Variants in NR3C2 observed in about 807,000 individuals in gnomAD.
The protein encoded by NR3C2 is mineralocorticoid receptor.
In NR3C2, 15 loss-of-function variants were observed where a neutral mutation model predicts 86.4. The ratio of observed to expected loss-of-function variants is 0.17; its 90% CI spans 0.12 to 0.27. The LOEUF (loss-of-function observed/expected upper bound fraction) is 0.27, where lower values mean the gene tolerates loss of function less well. Ranked by LOEUF, NR3C2 falls within the 10% of genes least tolerant of loss-of-function variation. The pLI is 1.00. For missense variants in NR3C2, 960 were observed against 1,195.6 expected (o/e 0.80, Z 2.91); for synonymous variants, 458 against 450.5 (o/e 1.02, Z -0.21).
At chr4:148,215,780 G>GT (rs35315376) in intron 3 of NR3C2, among the ~76,000 whole-genome samples, 52,562 of 134,340 alleles carry the variant, frequency 0.39, 10,634 homozygotes, top group South Asian at 0.43. Flanking sequence ...TTGAGGCATA[G>GT]TTTTTTTTTT....
At chr4:148,140,390 C>T (rs1733551600) in intron 6 of NR3C2, among the ~76,000 whole-genome samples, 2 of 152,046 alleles carry the variant, frequency 1.3e-5, no homozygotes, top group Admixed American at 1.3e-4. Context: ...AAGAAATTAG[C>T]CAGTTTGGTG....
chr4:148,364,479 T>C (rs1746009005), intron 2 of NR3C2, among the ~76,000 whole-genome samples: 1 of 152,212 alleles, frequency 6.6e-6, no homozygotes, highest in Non-Finnish European at 1.5e-5. Context: ...AGAAGTTCCC[T>C]ATAAAGAGTA....
intron 2 of NR3C2, among the ~76,000 whole-genome samples, chr4:148,382,553 G>C (rs1296024120): frequency 6.6e-6 from 1 of 152,026 alleles, no homozygotes; most frequent in African/African-American, 2.4e-5. Context: ...TAACTCAGTG[G>C]GAGTTATGAA....
intron 2 of NR3C2, among the ~76,000 whole-genome samples, chr4:148,295,629 C>T (rs1216116210): frequency 2.6e-5 from 4 of 151,034 alleles, no homozygotes; most frequent in Non-Finnish European, 5.9e-5. Flanking sequence ...TCTGTGCTTC[C>T]AAGATACCTG....
Position 148,214,663 on chromosome 4 carries a change from G to A in NR3C2, c.1898-19801C>T, listed in dbSNP as rs559767547. Among the ~76,000 whole-genome samples the A allele has an allele frequency of 2.6e-3, 398 of 152,236 alleles. 1 individual carries two copies. The highest frequency in any genetic ancestry group is 4.3e-3 in the Non-Finnish European group (290 of 68,022). ...GAGCTGAGCCATGAGATGATGAAAT[G>A]AGTGAGGCAGCAGGAGCCTGCACGC... On this transcript the variant is annotated intron_variant, in intron 3 of 8. Transcript: ENST00000358102.
intron 2 of NR3C2, among the ~76,000 whole-genome samples, chr4:148,409,476 C>T (rs1748587141): frequency 6.6e-6 from 1 of 152,116 alleles, no homozygotes; most frequent in East Asian, 1.9e-4. Context: ...TAGGCCTTAT[C>T]TGTCTTGTCA....
At chr4:148,086,992 G>C (rs1399583939) in intron 8 of NR3C2, among the ~76,000 whole-genome samples, 2 of 152,186 alleles carry the variant, frequency 1.3e-5, no homozygotes, top group Non-Finnish European at 2.9e-5. Flanking sequence ...AATTGTCTCT[G>C]TTTGCAGATG....
chr4:148,222,957 A>C (rs1216277830), intron 3 of NR3C2, among the ~76,000 whole-genome samples: 1 of 152,170 alleles, frequency 6.6e-6, no homozygotes, highest in African/African-American at 2.4e-5. Flanking sequence ...AAAGAGGGAG[A>C]GGAGAAACAG....
intron 2 of NR3C2, among the ~76,000 whole-genome samples, chr4:148,389,562 T>C (rs1345268066): frequency 6.6e-6 from 1 of 152,186 alleles, no homozygotes; most frequent in African/African-American, 2.4e-5. Context: ...GTATTACTTT[T>C]ATGGAGTGAG....
chr4:148,317,031 G>A (rs879921036), intron 2 of NR3C2, among the ~76,000 whole-genome samples: 6 of 152,116 alleles, frequency 3.9e-5, no homozygotes, highest in Non-Finnish European at 5.9e-5. Flanking sequence ...GGGCTCAAGC[G>A]ATCCACCTGC....
At chr4:148,426,784 G>A (rs1749556012) in intron 2 of NR3C2, among the ~76,000 whole-genome samples, 1 of 152,010 alleles carries the variant, frequency 6.6e-6, no homozygotes, top group Non-Finnish European at 1.5e-5. Context: ...CATCCACAGG[G>A]ACTCCCTCAA....
chr4:148,441,248 A>C (rs757867794), intron 1 of NR3C2, among the ~76,000 whole-genome samples: 3 of 152,212 alleles, frequency 2.0e-5, no homozygotes, highest in African/African-American at 2.4e-5. Flanking sequence ...ATTTTTTAAA[A>C]CTTCTCCTCT....
At chr4:148,362,240 G>C (rs1339294474) in intron 2 of NR3C2, among the ~76,000 whole-genome samples, 1 of 152,160 alleles carries the variant, frequency 6.6e-6, no homozygotes, top group Non-Finnish European at 1.5e-5. Flanking sequence ...AGAGAAATAA[G>C]TTCTAGTGTT....
chr4:148,090,579 G>A (rs1731016029), intron 8 of NR3C2, among the ~76,000 whole-genome samples: 1 of 152,212 alleles, frequency 6.6e-6, no homozygotes, highest in African/African-American at 2.4e-5. Flanking sequence ...AACAGGGGGA[G>A]GTCCTAGGCC....
intron 4 of NR3C2, among the ~76,000 whole-genome samples, chr4:148,174,598 T>G (rs531512969): frequency 1.3e-5 from 2 of 152,292 alleles, no homozygotes; most frequent in East Asian, 3.9e-4. Context: ...GGGCAAGGCA[T>G]AACCCCAGTT....
intron 2 of NR3C2, among the ~76,000 whole-genome samples, chr4:148,287,970 A>G (rs1002660728): frequency 1.3e-5 from 2 of 152,304 alleles, no homozygotes; most frequent in Admixed American, 6.5e-5. Flanking sequence ...TCATGAAAAC[A>G]TTTAACTAAC....
intron 6 of NR3C2, among the ~76,000 whole-genome samples, chr4:148,136,688 C>CCAGGCG (rs1733362667): frequency 6.6e-6 from 1 of 151,940 alleles, no homozygotes; most frequent in Non-Finnish European, 1.5e-5. Context: ...CTCTTGTTGT[C>CCAGGCG]CAGGCTGGAG....
chr4:148,314,439 T>G (rs1276808311), intron 2 of NR3C2, among the ~76,000 whole-genome samples: 1 of 152,202 alleles, frequency 6.6e-6, no homozygotes, highest in Non-Finnish European at 1.5e-5. Context: ...TTGCTATGCA[T>G]AGTTTTACAG....
chr4:148,414,695 T>C (rs1748908574), intron 2 of NR3C2, among the ~76,000 whole-genome samples: 1 of 152,200 alleles, frequency 6.6e-6, no homozygotes, highest in Non-Finnish European at 1.5e-5. Flanking sequence ...GGAAAATAAT[T>C]TGTCACTTAT....
Sources: gnomAD v4.1 joint callset for allele counts (sites outside exome capture counted in the v4.1 genomes callset) on GRCh38, gnomAD v4.1.1 for gene constraint, MANE v1.5 for transcripts, NCBI Gene and HGNC (gene_info 2026-07-23, HGNC 2026-07-21) for gene names.